Variants in ARMH4 observed in about 807,000 individuals in gnomAD.
The protein encoded by ARMH4 is armadillo like helical domain containing 4, also known as armadillo-like helical domain-containing protein 4.
ARMH4 carries 49 observed loss-of-function variants against 61.9 expected under a neutral mutation model. The ratio of observed to expected loss-of-function variants is 0.79; its 90% CI spans 0.63 to 1.00. ARMH4 has a LOEUF of 1.00. ARMH4 is among the 50% of genes least tolerant of loss of function. The pLI is 0.00. For synonymous variants in ARMH4, 368 were observed against 341.5 expected (o/e 1.08, Z -0.85); for missense variants, 934 against 930.0 (o/e 1.00, Z -0.06).
intron 5 of ARMH4, among the ~76,000 whole-genome samples, chr14:58,047,108 C>T (rs1883969498): frequency 6.6e-6 from 1 of 152,174 alleles, no homozygotes; most frequent in South Asian, 2.1e-4. Flanking sequence ...ATAGCTAGGC[C>T]TTCCTTGCAG....
chr14:58,116,677 A>T (rs1338557601), intron 4 of ARMH4, among the ~76,000 whole-genome samples: 1 of 152,250 alleles, frequency 6.6e-6, no homozygotes. Context: ...CCTTGTCTCA[A>T]CAATAAACAA....
intron 5 of ARMH4, among the ~76,000 whole-genome samples, chr14:58,078,865 C>T (rs1159199233): frequency 6.6e-6 from 1 of 152,218 alleles, no homozygotes; most frequent in African/African-American, 2.4e-5. Flanking sequence ...GTTCCATTTT[C>T]TTGCCAGAAA....
At chr14:58,128,007 G>GCAA in intron 4 of ARMH4, among the ~76,000 whole-genome samples, 1 of 152,260 alleles carries the variant, frequency 6.6e-6, no homozygotes, top group Middle Eastern at 3.4e-3. Flanking sequence ...AATTGCCAAA[G>GCAA]CAACAACCTT....
At chr14:58,027,366 C>T (rs1338308271) in intron 5 of ARMH4, among the ~76,000 whole-genome samples, 1 of 152,068 alleles carries the variant, frequency 6.6e-6, no homozygotes. Context: ...TTGGTAATGG[C>T]TAGGAGAAGA....
intron 5 of ARMH4, among the ~76,000 whole-genome samples, chr14:58,063,604 GAAA>G (rs376941592): frequency 0.63 from 95,544 of 151,946 alleles, 31,931 homozygotes; most frequent in African/African-American, 0.86. Flanking sequence ...AGGCACTACA[GAAA>G]CTACAAAAAA....
At chr14:58,102,054 T>G (rs1056726568) in intron 4 of ARMH4, among the ~76,000 whole-genome samples, 1 of 152,142 alleles carries the variant, frequency 6.6e-6, no homozygotes, top group Non-Finnish European at 1.5e-5. Context: ...GCACATGAGC[T>G]GAAAATCACT....
intron 5 of ARMH4, among the ~76,000 whole-genome samples, chr14:58,057,659 C>T (rs1884390071): frequency 6.6e-6 from 1 of 151,968 alleles, no homozygotes; most frequent in Non-Finnish European, 1.5e-5. Flanking sequence ...AAATGCTGGA[C>T]TGAGAGACAA....
At chr14:58,122,734 C>T (rs1264730475) in intron 4 of ARMH4, among the ~76,000 whole-genome samples, 2 of 152,072 alleles carry the variant, frequency 1.3e-5, no homozygotes, top group Non-Finnish European at 2.9e-5. Flanking sequence ...GCTTCCAGTG[C>T]GGTCTACCAG....
At chr14:58,107,267 T>C (rs1886193396) in intron 4 of ARMH4, among the ~76,000 whole-genome samples, 1 of 152,052 alleles carries the variant, frequency 6.6e-6, no homozygotes, top group African/African-American at 2.4e-5. Flanking sequence ...AGATCCAGAG[T>C]AGGAACACCT....
In ARMH4 at chr14:58,131,739, C is replaced by T. The variant is rs1176791457; in HGVS notation, c.1622-18G>A. On this transcript the variant is annotated intron_variant, in intron 3 of 7. Transcript: ENST00000267485. ...CATTTGTTCTGCCAAACACAACAGA[C>T]AGGACTTGACCCACAAGATAATCAT... 1 of 1,605,234 alleles carries T rather than the reference C, an allele frequency of 6.2e-7. No individual in the cohort carries two copies. Among genetic ancestry groups the T allele is most frequent in the South Asian group, 1.1e-5 (1 of 90,692 alleles).
At chr14:58,090,201 C>A (rs1392373667) in intron 5 of ARMH4, among the ~76,000 whole-genome samples, 1 of 152,126 alleles carries the variant, frequency 6.6e-6, no homozygotes, top group Non-Finnish European at 1.5e-5. Context: ...ATAGATTTAT[C>A]CACCTGGAAC....
At chr14:58,112,349 A>T (rs1304412378) in intron 4 of ARMH4, among the ~76,000 whole-genome samples, 1 of 140,312 alleles carries the variant, frequency 7.1e-6, no homozygotes, top group Non-Finnish European at 1.5e-5. Context: ...TAGAAATTAT[A>T]CATTCTACTG....
At chr14:58,142,427 T>C (rs1887595486) in intron 1 of ARMH4, among the ~76,000 whole-genome samples, 3 of 151,568 alleles carry the variant, frequency 2.0e-5, no homozygotes, top group African/African-American at 7.3e-5. Context: ...AAGCCGGAAT[T>C]TTCCTTCCTT....
At chr14:58,134,322 T>C (rs1174502140) in intron 2 of ARMH4, among the ~76,000 whole-genome samples, 3 of 152,208 alleles carry the variant, frequency 2.0e-5, no homozygotes, top group Non-Finnish European at 2.9e-5. Flanking sequence ...TGGCAGGGTA[T>C]GACATTATCT....
At chr14:58,065,169 G>A (rs920629677) in intron 5 of ARMH4, among the ~76,000 whole-genome samples, 3 of 152,172 alleles carry the variant, frequency 2.0e-5, no homozygotes, top group African/African-American at 4.8e-5. Context: ...TTGAAACTGG[G>A]AGGCAGAGGT....
intron 2 of ARMH4, among the ~76,000 whole-genome samples, chr14:58,136,486 A>G (rs1425551939): frequency 3.9e-5 from 6 of 152,238 alleles, no homozygotes; most frequent in Admixed American, 6.5e-5. Context: ...GGAAGCTTCT[A>G]TGAAAACTGA....
intron 4 of ARMH4, among the ~76,000 whole-genome samples, chr14:58,103,058 G>A (rs1329163199): frequency 7.9e-5 from 12 of 151,784 alleles, no homozygotes; most frequent in Admixed American, 3.9e-4. Flanking sequence ...GCTTGAACCC[G>A]GGAGGTGGAG....
intron 4 of ARMH4, among the ~76,000 whole-genome samples, chr14:58,110,701 A>G (rs1455864607): frequency 1.3e-5 from 2 of 152,018 alleles, no homozygotes; most frequent in African/African-American, 4.8e-5. Context: ...GCATGATATC[A>G]ATTCTTTAAA....
chr14:58,127,080 C>G (rs180749754), intron 4 of ARMH4, among the ~76,000 whole-genome samples: 1 of 152,146 alleles, frequency 6.6e-6, no homozygotes, highest in South Asian at 2.1e-4. Flanking sequence ...GGGATTACCC[C>G]GGCCAAGAAT....
Sources: gnomAD v4.1 joint callset for allele counts (sites outside exome capture counted in the v4.1 genomes callset) on GRCh38, gnomAD v4.1.1 for gene constraint, MANE v1.5 for transcripts, NCBI Gene and HGNC (gene_info 2026-07-23, HGNC 2026-07-21) for gene names.